Variants in SYT16 observed in about 807,000 individuals in gnomAD.
The protein encoded by SYT16 is synaptotagmin-16.
A neutral mutation model predicts 61.4 loss-of-function variants in SYT16; 42 were observed. The observed-to-expected ratio is 0.68, with a 90% CI of 0.53 to 0.89. SYT16 has a LOEUF of 0.89. SYT16 is among the 40% of genes least tolerant of loss of function. The pLI, the probability that SYT16 is intolerant of heterozygous loss-of-function variation, is 0.00. For synonymous variants in SYT16, 314 were observed against 302.3 expected (o/e 1.04, Z -0.40); for missense variants, 804 against 807.3 (o/e 1.00, Z 0.05).
intron 3 of SYT16, among the ~76,000 whole-genome samples, chr14:62,021,660 C>G (rs1210169224): frequency 7.1e-6 from 1 of 140,648 alleles, no homozygotes; most frequent in South Asian, 2.3e-4. Context: ...CTGTTTCCCT[C>G]TACCAAGAAT....
intron 1 of SYT16, among the ~76,000 whole-genome samples, chr14:61,901,592 G>A (rs1463457898): frequency 6.6e-6 from 1 of 151,826 alleles, no homozygotes; most frequent in African/African-American, 2.4e-5. Flanking sequence ...ATAATTCTGG[G>A]TTCCCCCTGT....
Position 62,101,071 on chromosome 14 carries a change from G to C in SYT16, c.*364G>C, listed in dbSNP as rs75530039. Reference sequence around the variant, plus strand: ...TGAGATTGCAAGGGAGCTGTTAATTGTTACTATTTGCAACCATTTAGGTGG... The same window carrying C: ...TGAGATTGCAAGGGAGCTGTTAATTCTTACTATTTGCAACCATTTAGGTGG... On this transcript the variant is annotated 3_prime_UTR_variant, in exon 8 of 8. Coordinates refer to ENST00000683842, the MANE Select transcript of SYT16 (RefSeq NM_001367656.1). 2,490 of 173,420 alleles carry C rather than the reference G, an allele frequency of 0.014. 128 individuals carry two copies. The East Asian group carries it at 0.17, about 12-fold the overall frequency. The allele number at this position is 173,420 out of a possible 1,614,324, so 10.7% of individuals were successfully genotyped here.
chr14:62,075,436 TCC>T (rs765482816), intron 5 of SYT16, 45 bp downstream of exon 5: 1 of 1,534,186 alleles, frequency 6.5e-7, no homozygotes, highest in Non-Finnish European at 8.8e-7. Flanking sequence ...CCTTTCCCCT[TCC>T]CCTCTTTCCA....
chr14:62,100,411 T>C lies in SYT16; in HGVS notation c.1642T>C (p.Phe548Leu), dbSNP rs765195739. The C allele has an allele frequency of 8.7e-6, 14 of 1,607,722 alleles. No homozygotes were observed. Among genetic ancestry groups the C allele is most frequent in the Non-Finnish European group, 1.2e-5 (14 of 1,176,754 alleles). The change falls in exon 8 of 8, where the codon TTT becomes CTT. Residue 548 changes from phenylalanine (F) to leucine (L), a missense_variant. Phe to Leu is a conservative substitution (Grantham distance 22). Transcript: ENST00000683842. Reference protein sequence around the residue: ...NRAPDTYGKLFLLNSVGQEMS... With the variant: ...NRAPDTYGKLLLLNSVGQEMS... ...TGTCTTAGATACATATGGAAAACTC[T>C]TTCTCCTCAATTCTGTGGGTCAAGA...
At chr14:61,930,994 A>G (rs1346096372) in intron 1 of SYT16, among the ~76,000 whole-genome samples, 1 of 152,184 alleles carries the variant, frequency 6.6e-6, no homozygotes, top group African/African-American at 2.4e-5. Flanking sequence ...ACAGAACTGT[A>G]AGATAATAAA....
chr14:61,965,231 G>A (rs2051267809), intron 1 of SYT16, among the ~76,000 whole-genome samples: 1 of 152,066 alleles, frequency 6.6e-6, no homozygotes, highest in African/African-American at 2.4e-5. Context: ...AATCCTATAA[G>A]TCTTGTGTTG....
At chr14:61,890,171 T>C (rs537240427) in intron 1 of SYT16, among the ~76,000 whole-genome samples, 1 of 152,286 alleles carries the variant, frequency 6.6e-6, no homozygotes, top group Non-Finnish European at 1.5e-5. Flanking sequence ...GTGGGTACAT[T>C]GGTGGAAGTG....
At chr14:61,880,149 C>T (rs2047647205) in intron 1 of SYT16, among the ~76,000 whole-genome samples, 1 of 152,246 alleles carries the variant, frequency 6.6e-6, no homozygotes, top group Non-Finnish European at 1.5e-5. Flanking sequence ...ATATACTGGG[C>T]ATGCATCCTC....
At chr14:62,036,736 T>A (rs1356897506) in intron 3 of SYT16, among the ~76,000 whole-genome samples, 1 of 152,016 alleles carries the variant, frequency 6.6e-6, no homozygotes, top group African/African-American at 2.4e-5. Flanking sequence ...TTCACTAGCA[T>A]GAGAAAAGCA....
chr14:61,930,288 C>T (rs1020379680), intron 1 of SYT16, among the ~76,000 whole-genome samples: 6 of 151,986 alleles, frequency 3.9e-5, no homozygotes, highest in South Asian at 4.2e-4. Context: ...TTCACAGAGC[C>T]GTGTGTACCC....
intron 3 of SYT16, among the ~76,000 whole-genome samples, chr14:62,025,556 G>A (rs1370999385): frequency 1.3e-5 from 2 of 151,980 alleles, no homozygotes; most frequent in East Asian, 3.8e-4. Context: ...ATGTCTTATG[G>A]TTCTCTTGAC....
intron 1 of SYT16, among the ~76,000 whole-genome samples, chr14:61,942,328 A>T (rs2050241575): frequency 6.6e-6 from 1 of 152,222 alleles, no homozygotes; most frequent in African/African-American, 2.4e-5. Context: ...TTAGAAATCA[A>T]GTTCCAGTCA....
rs1436276480 is a variant in SYT16 at position 62,000,321 on chromosome 14, C to T, written c.523+3779C>T. ...GACCTCTTTGTCATTATGTAATGTACCATTTTTACCTCTAGTAATATTTCT... is the reference window on the plus strand; with the variant it reads ...GACCTCTTTGTCATTATGTAATGTATCATTTTTACCTCTAGTAATATTTCT... On this transcript the variant is annotated intron_variant, in intron 3 of 7. Transcript: ENST00000683842. Among the ~76,000 whole-genome samples, 4 of 151,060 alleles carry T rather than the reference C, an allele frequency of 2.6e-5. No homozygotes were observed. The East Asian group carries it at 7.8e-4, about 29-fold the overall frequency.
upstream of SYT16, chr14:61,812,562 C>G (rs1385476593): frequency 6.6e-6 from 1 of 150,934 alleles, no homozygotes; most frequent in South Asian, 1.9e-4. Context: ...CGCCGCAGCT[C>G]GGCCGTTCTG....
intron 1 of SYT16, among the ~76,000 whole-genome samples, chr14:61,882,317 A>T (rs1482090674): frequency 2.6e-5 from 4 of 152,190 alleles, no homozygotes; most frequent in Non-Finnish European, 5.9e-5. Flanking sequence ...CACATTTTCA[A>T]AGCATCTGTA....
intron 1 of SYT16, among the ~76,000 whole-genome samples, chr14:61,963,931 C>G (rs187982063): frequency 1.1e-4 from 17 of 152,230 alleles, no homozygotes; most frequent in South Asian, 2.1e-4. Context: ...AACAACAAAG[C>G]CTGGATGACA....
intron 3 of SYT16, among the ~76,000 whole-genome samples, chr14:62,064,269 C>T (rs539450200): frequency 1.6e-5 from 2 of 123,492 alleles, no homozygotes; most frequent in African/African-American, 6.4e-5. Flanking sequence ...TAGTTGGTAG[C>T]ATAGATACAT....
At chr14:62,007,820 G>A (rs1261394559) in intron 3 of SYT16, among the ~76,000 whole-genome samples, 1 of 151,862 alleles carries the variant, frequency 6.6e-6, no homozygotes, top group East Asian at 1.9e-4. Context: ...AGGAATTAGA[G>A]GCAAGTTATC....
chr14:62,089,217 G>T (rs1283861052), intron 7 of SYT16, among the ~76,000 whole-genome samples: 1 of 151,960 alleles, frequency 6.6e-6, no homozygotes, highest in African/African-American at 2.4e-5. Flanking sequence ...TACTTAGGAG[G>T]CTGAGGCAGG....
Sources: gnomAD v4.1 joint callset for allele counts (sites outside exome capture counted in the v4.1 genomes callset) on GRCh38, gnomAD v4.1.1 for gene constraint, MANE v1.5 for transcripts, NCBI Gene and HGNC (gene_info 2026-07-23, HGNC 2026-07-21) for gene names.